TP63: variants seen among roughly 807,000 people sequenced by gnomAD.
The protein encoded by TP63 is tumor protein p63.
TP63 carries 17 observed loss-of-function variants against 82.8 expected under a neutral mutation model. The ratio of observed to expected loss-of-function variants is 0.21; its 90% confidence interval spans 0.14 to 0.31. The LOEUF (loss-of-function observed/expected upper bound fraction) is 0.31. TP63 is among the 10% of genes least tolerant of loss of function. The pLI is 1.00. For synonymous variants in TP63, 330 were observed against 321.7 expected, an observed-to-expected ratio of 1.03 and a Z score of -0.28; for missense variants, 648 against 895.3, an observed-to-expected ratio of 0.72 and a Z score of 3.52.
chr3:189,894,273 G>A lies in TP63; in HGVS notation c.1814G>A (p.Arg605Gln), dbSNP rs142981128. 106 of 1,613,894 alleles carry A rather than the reference G, an allele frequency of 6.6e-5. No homozygotes were observed. The highest frequency in any genetic ancestry group is 2.4e-4 in the African/African-American group (18 of 74,866). ...ATCTGGAAGGGCATCCTGGACCACC[G>A]GCAGCTCCACGAATTCTCCTCCCCT... ...HAIWKGILDHRQLHEFSSPSH... is the reference protein window; with the variant it reads ...HAIWKGILDHQQLHEFSSPSH... The change falls in exon 14 of 14, where the codon CGG becomes CAG. Residue 605 changes from arginine to glutamine, a missense_variant. Transcript: ENST00000264731.
At chr3:189,686,841 C>T (rs1716489209) in intron 1 of TP63, among the ~76,000 whole-genome samples, 1 of 151,576 alleles carries the variant, frequency 6.6e-6, no homozygotes, top group South Asian at 2.1e-4. Context: ...AGCGATTCTC[C>T]TGCCTCAGCC....
intron 4 of TP63, among the ~76,000 whole-genome samples, chr3:189,815,581 A>G (rs1577020655): frequency 6.6e-6 from 1 of 152,200 alleles, no homozygotes; most frequent in African/African-American, 2.4e-5. Flanking sequence ...CTGGGTTTGC[A>G]TGTAATATCT....
At chr3:189,787,084 A>G (rs973961701) in intron 3 of TP63, among the ~76,000 whole-genome samples, 1 of 152,098 alleles carries the variant, frequency 6.6e-6, no homozygotes, top group Non-Finnish European at 1.5e-5. Flanking sequence ...TACATGAACT[A>G]TTAGCGAATT....
At chr3:189,629,830 A>T (rs1419599322), upstream of TP63, among the ~76,000 whole-genome samples, 6 of 152,214 alleles carry the variant, frequency 3.9e-5, no homozygotes, top group Non-Finnish European at 7.3e-5. Context: ...TTAATTTCAG[A>T]ACCTTCTATT....
intron 3 of TP63, among the ~76,000 whole-genome samples, chr3:189,776,669 A>G (rs1300773006): frequency 6.6e-6 from 1 of 152,226 alleles, no homozygotes; most frequent in Non-Finnish European, 1.5e-5. Context: ...TCAGATGGGC[A>G]GAGAGTTGAA....
intron 1 of TP63, among the ~76,000 whole-genome samples, chr3:189,705,582 G>T (rs1718135957): frequency 6.6e-6 from 1 of 152,028 alleles, no homozygotes; most frequent in South Asian, 2.1e-4. Context: ...CACCTAGACG[G>T]TGCACACCTC....
chr3:189,687,528 C>T (rs1455017897), intron 1 of TP63, among the ~76,000 whole-genome samples: 2 of 152,138 alleles, frequency 1.3e-5, no homozygotes, highest in African/African-American at 4.8e-5. Flanking sequence ...TTGTAGTCTC[C>T]TTTTGTAATT....
intron 4 of TP63, among the ~76,000 whole-genome samples, chr3:189,820,844 C>A (rs1158161720): frequency 1.3e-5 from 2 of 152,266 alleles, no homozygotes; most frequent in Admixed American, 1.3e-4. Flanking sequence ...ATTTTTGCTT[C>A]CAAATATAAG....
chr3:189,739,958 C>G (rs1720863343), intron 3 of TP63, among the ~76,000 whole-genome samples: 1 of 151,958 alleles, frequency 6.6e-6, no homozygotes, highest in Admixed American at 6.6e-5. Context: ...ATATGTTTTA[C>G]TGGAATTTTT....
intron 1 of TP63, among the ~76,000 whole-genome samples, chr3:189,730,260 A>G (rs1431636265): frequency 2.0e-5 from 3 of 152,152 alleles, no homozygotes; most frequent in African/African-American, 4.8e-5. Context: ...TACCTTTGAG[A>G]GTCAGTTCCT....
chr3:189,710,373 C>T (rs1323636402), intron 1 of TP63, among the ~76,000 whole-genome samples: 1 of 152,144 alleles, frequency 6.6e-6, no homozygotes, highest in Non-Finnish European at 1.5e-5. Flanking sequence ...TTACAGGTCA[C>T]CACTCAGTTT....
At chr3:189,604,086 G>T in the TP63 span, among the ~76,000 whole-genome samples, 1 of 152,100 alleles carries the variant, frequency 6.6e-6, no homozygotes, top group African/African-American at 2.4e-5. Flanking sequence ...TACCATCAGG[G>T]AAGTAGTGTG....
intron 1 of TP63, among the ~76,000 whole-genome samples, chr3:189,669,173 A>C (rs1714668498): frequency 6.6e-6 from 1 of 152,076 alleles, no homozygotes; most frequent in African/African-American, 2.4e-5. Flanking sequence ...ATGTGGTGGC[A>C]GTTAGGTCAG....
chr3:189,866,269 G>A (rs769171857), intron 5 of TP63, among the ~76,000 whole-genome samples: 1 of 152,146 alleles, frequency 6.6e-6, no homozygotes, highest in Non-Finnish European at 1.5e-5. Context: ...CAGTGTATTT[G>A]CTGGTCAGAC....
intron 1 of TP63, among the ~76,000 whole-genome samples, chr3:189,675,022 A>G (rs1715268813): frequency 6.6e-6 from 1 of 152,138 alleles, no homozygotes; most frequent in African/African-American, 2.4e-5. Context: ...CTTATAGACA[A>G]CAGGAATTTC....
intron 1 of TP63, among the ~76,000 whole-genome samples, chr3:189,638,670 A>G (rs1413969415): frequency 6.6e-6 from 1 of 152,182 alleles, no homozygotes; most frequent in African/African-American, 2.4e-5. Context: ...AATGCACTGT[A>G]AACTGTAAGA....
At chr3:189,737,428 C>G (rs1720674566) in intron 1 of TP63, among the ~76,000 whole-genome samples, 1 of 151,988 alleles carries the variant, frequency 6.6e-6, no homozygotes, top group African/African-American at 2.4e-5. Context: ...ATTTTCTTTT[C>G]AAAATCTACA....
At chr3:189,623,974 G>T in the TP63 span, among the ~76,000 whole-genome samples, 1 of 152,272 alleles carries the variant, frequency 6.6e-6, no homozygotes, top group East Asian at 1.9e-4. Flanking sequence ...CTGTTTAGAA[G>T]TTCACAGATA....
intron 1 of TP63, among the ~76,000 whole-genome samples, chr3:189,682,548 AAAAAAATATATAT>A (rs1463069964): frequency 9.6e-4 from 47 of 48,884 alleles, no homozygotes; most frequent in African/African-American, 3.1e-3. Context: ...AAAAAAAAAA[AAAAAAATATATAT>A]ATATATATAT....
Sources: gnomAD v4.1 joint callset for allele counts (sites outside exome capture counted in the v4.1 genomes callset) on GRCh38, gnomAD v4.1.1 for gene constraint, MANE v1.5 for transcripts, NCBI Gene and HGNC (gene_info 2026-07-23, HGNC 2026-07-21) for gene names.